Variants in RRM2 observed in about 807,000 individuals in gnomAD.
RRM2 encodes the protein ribonucleoside-diphosphate reductase subunit M2.
RRM2 carries 6 observed loss-of-function variants against 45.9 expected under a neutral mutation model. That is an observed-to-expected ratio of 0.13 (90% CI 0.07 to 0.26). The LOEUF (loss-of-function observed/expected upper bound fraction) is 0.26, where lower values mean the gene tolerates loss of function less well. Among genes scored for constraint, RRM2 ranks in the 10% least tolerant of loss-of-function variants. RRM2 has a pLI of 1.00. For missense variants in RRM2, 343 were observed against 489.5 expected, an observed-to-expected ratio of 0.70 and a Z score of 2.82; for synonymous variants, 177 against 173.0, an observed-to-expected ratio of 1.02 and a Z score of -0.18.
intron 3 of RRM2, among the ~76,000 whole-genome samples, chr2:10,149,378 C>T (rs6432070): frequency 0.64 from 96,639 of 152,050 alleles, 31,260 homozygotes; most frequent in African/African-American, 0.7. Flanking sequence ...ATCTGCCCGC[C>T]TCAGCCTCCC....
chr2:10,182,778 A>G (rs1183003402), intron 3 of RRM2, among the ~76,000 whole-genome samples: 1 of 152,226 alleles, frequency 6.6e-6, no homozygotes, highest in Non-Finnish European at 1.5e-5. Flanking sequence ...TCACCGTGAC[A>G]TCCTTTTGTC....
intron 3 of RRM2, among the ~76,000 whole-genome samples, chr2:10,166,512 G>A (rs892975733): frequency 3.3e-5 from 5 of 152,216 alleles, no homozygotes; most frequent in African/African-American, 9.6e-5. Context: ...GTCTGCGTCC[G>A]TGTCTGGCAA....
rs1662804360 is a variant in RRM2 at position 10,127,495 on chromosome 2, A to T, written c.798+275A>T. The T allele has an allele frequency of 3.3e-6, 1 of 305,288 alleles. No homozygotes were observed. Among genetic ancestry groups the T allele is most frequent in the Non-Finnish European group, 6.1e-6 (1 of 163,716 alleles). The allele number at this position is 305,288 out of a possible 1,614,324, so 18.9% of individuals were successfully genotyped here. A position where few individuals can be genotyped will look rare whatever the true frequency, so the allele number is the denominator to read the frequency against. On this transcript the variant is annotated intron_variant, in intron 7 of 9. Transcript: ENST00000304567. The surrounding 1 kb of genome is among the most constrained non-coding windows in gnomAD (Gnocchi z 4.1). ...TACAAGTTCTTTGTTTTTTGAGGTG[A>T]CGGAATCTTGCTCTGTCGTTCCAGG... is the stretch of plus-strand genomic sequence containing the variant.
chr2:10,126,237 C>G (rs897004755), intron 5 of RRM2, among the ~76,000 whole-genome samples: 2 of 140,620 alleles, frequency 1.4e-5, no homozygotes, highest in African/African-American at 5.3e-5. Context: ...ACAAAGTCAT[C>G]TGGGTAGGAA....
At chr2:10,148,587 C>T (rs2125314313) in intron 3 of RRM2, among the ~76,000 whole-genome samples, 1 of 152,256 alleles carries the variant, frequency 6.6e-6, no homozygotes, top group East Asian at 1.9e-4. Context: ...TATTTTGTTA[C>T]CCTTTATGAA....
intron 3 of RRM2, among the ~76,000 whole-genome samples, chr2:10,177,703 CT>C (rs1488120743): frequency 6.8e-4 from 100 of 146,924 alleles, no homozygotes; most frequent in African/African-American, 2.6e-3. Flanking sequence ...TCCTTCCTTC[CT>C]TCCTCTCTCC....
At position 10,127,457 on chromosome 2, in the gene RRM2, GA is replaced by G; in HGVS notation, c.798+239del. On this transcript the variant is annotated intron_variant, in intron 7 of 9. Coordinates refer to ENST00000304567, the MANE Select transcript of RRM2 (RefSeq NM_001034.4). This position sits in a 1 kb window ranked among gnomAD's most constrained non-coding sequence, Gnocchi z 4.1. ...ACATATGTATTCCCCTATAGGCTTT[GA>G]ATGCATAAAACTACAAGTTCTTTGT... 2.4e-6 allele frequency: 1 copy of G among 425,090 alleles called. No homozygotes were observed. Among genetic ancestry groups the G allele is most frequent in the Non-Finnish European group, 4.2e-6 (1 of 238,626 alleles). 26.3% of individuals were successfully genotyped at this position (425,090 alleles called of 1,614,324 possible). A position where few individuals can be genotyped will look rare whatever the true frequency, so the allele number is the denominator to read the frequency against.
intron 3 of RRM2, among the ~76,000 whole-genome samples, chr2:10,144,391 G>A (rs1173871909): frequency 2.0e-5 from 3 of 152,260 alleles, no homozygotes; most frequent in Non-Finnish European, 2.9e-5. Context: ...TGGTGGGGAA[G>A]TGAGTTTTAT....
rs1267201932 is a variant in RRM2 at position 10,129,223 on chromosome 2, A to C, written c.1018-11A>C. The C allele has an allele frequency of 6.2e-7, 1 of 1,613,742 alleles. No homozygotes were observed. Among genetic ancestry groups the C allele is most frequent in the Non-Finnish European group, 8.5e-7 (1 of 1,179,814 alleles). ...TGCTCTGTATTTATATCTTGATGTG[A>C]ACCTTTTCAGGTTTTCAGAGTAGAG... On this transcript the variant is annotated splice_polypyrimidine_tract_variant and intron_variant, in intron 9 of 9. Coordinates refer to ENST00000304567, the MANE Select transcript of RRM2 (RefSeq NM_001034.4). The surrounding 1 kb of genome is among the most constrained non-coding windows in gnomAD (Gnocchi z 4.8).
chr2:10,136,961 T>C (rs536649634), upstream of RRM2, among the ~76,000 whole-genome samples: 1 of 152,190 alleles, frequency 6.6e-6, no homozygotes. Flanking sequence ...AAAGGAGAGC[T>C]GATCTACAGA....
chr2:10,139,201 G>T (rs1226827262), upstream of RRM2, among the ~76,000 whole-genome samples: 1 of 152,158 alleles, frequency 6.6e-6, no homozygotes, highest in African/African-American at 2.4e-5. Flanking sequence ...CAAAAAGAAA[G>T]CTCGTGTCCC....
chr2:10,167,100 C>T (rs1357041498), intron 3 of RRM2, among the ~76,000 whole-genome samples: 1 of 152,182 alleles, frequency 6.6e-6, no homozygotes, highest in Non-Finnish European at 1.5e-5. Flanking sequence ...TGTCAAGAGC[C>T]CTGGCACAGC....
At position 10,185,619 on chromosome 2, in the gene RRM2, C is replaced by T. The variant is rs543939788; in HGVS notation, n.483-24692C>T. Among the ~76,000 whole-genome samples, 130 of 152,272 alleles carry T rather than the reference C, an allele frequency of 8.5e-4. No individual in the cohort carries two copies. The highest frequency in any genetic ancestry group is 3.9e-4 in the East Asian group (2 of 5,190). ...CCATATGACTCTGTTCTCAAGTGTA[C>T]TGGATACATTCTTGAAAATACTCTT... On this transcript the variant is annotated intron_variant and non_coding_transcript_variant, in intron 3 of 3. Coordinates refer to the RRM2 transcript ENST00000381786. This position sits in a 1 kb window ranked among gnomAD's most constrained non-coding sequence, Gnocchi z 4.3.
At chr2:10,170,315 T>C (rs1663772935) in intron 3 of RRM2, among the ~76,000 whole-genome samples, 1 of 152,212 alleles carries the variant, frequency 6.6e-6, no homozygotes, top group South Asian at 2.1e-4. Context: ...GGGAGTTGAC[T>C]TGCTTATCAT....
chr2:10,153,165 C>T lies in RRM2; in HGVS notation n.482+10790C>T, dbSNP rs573626405. Among the ~76,000 whole-genome samples, 11 of 152,056 alleles carry T rather than the reference C, an allele frequency of 7.2e-5. No individual in the cohort carries two copies. The East Asian group carries it at 2.0e-3, about 27-fold the overall frequency. On this transcript the variant is annotated intron_variant and non_coding_transcript_variant, in intron 3 of 3. Transcript: ENST00000381786. ...TAGCCAACATTGTGAAATCCTGTCT[C>T]TACCAAAAATACAAAAATCAGCTGA...
At chr2:10,191,513 C>T (rs1055506368) in intron 3 of RRM2, among the ~76,000 whole-genome samples, 1 of 152,126 alleles carries the variant, frequency 6.6e-6, no homozygotes, top group African/African-American at 2.4e-5. Flanking sequence ...AGCGGCTGGG[C>T]AGAGTGGGAA....
intron 3 of RRM2, among the ~76,000 whole-genome samples, chr2:10,191,252 T>TG (rs1324883079): frequency 1.3e-5 from 2 of 152,210 alleles, no homozygotes; most frequent in African/African-American, 2.4e-5. Context: ...GAGAGACTCT[T>TG]GGGGCAGCGT....
chr2:10,141,773 A>G (rs1288231533), intron 1 of RRM2: 2 of 1,381,680 alleles, frequency 1.4e-6, no homozygotes, highest in South Asian at 1.3e-5. Flanking sequence ...GGAGGTGGCC[A>G]TGGCCTGGGG....
At position 10,130,077 on chromosome 2, in the gene RRM2, C is replaced by G. The variant is rs916604481; in HGVS notation, c.*691C>G. 6.6e-6 allele frequency: 1 copy of G among 152,118 alleles called. No homozygotes were observed. Among genetic ancestry groups the G allele is most frequent in the Non-Finnish European group, 1.5e-5 (1 of 68,026 alleles). The allele number at this position is 152,118 out of a possible 1,614,324, so 9.4% of individuals were successfully genotyped here. On this transcript the variant is annotated 3_prime_UTR_variant, in exon 10 of 10. Transcript: ENST00000304567. ...TGTAGTGTCCTGGGATTCTCTGCCC[C>G]CTCTGAGTAGAGTGTTGTGGGATAA...
Sources: gnomAD v4.1 joint callset for allele counts (sites outside exome capture counted in the v4.1 genomes callset) on GRCh38, gnomAD v4.1.1 for gene constraint, Gnocchi (gnomAD v3.1) non-coding constraint, MANE v1.5 for transcripts, NCBI Gene and HGNC (gene_info 2026-07-23, HGNC 2026-07-21) for gene names.